The following ARHGEF18 variants were observed in gnomAD, a reference collection of about 807,000 sequenced individuals.
ARHGEF18 encodes the protein rho guanine nucleotide exchange factor 18.
ARHGEF18 carries 93 observed loss-of-function variants against 155.7 expected under a neutral mutation model. The observed-to-expected ratio is 0.60, with a 90% CI of 0.50 to 0.71. ARHGEF18 has a LOEUF of 0.71. ARHGEF18 is among the 30% of genes least tolerant of loss of function. ARHGEF18 has a pLI of 0.00. For missense variants in ARHGEF18, 1,593 were observed against 1,816.1 expected (o/e 0.88, Z 2.23); for synonymous variants, 742 against 753.1 (o/e 0.99, Z 0.24).
chr19:7,473,527 G>C (rs946894502), downstream of ARHGEF18, among the ~76,000 whole-genome samples: 1 of 151,992 alleles, frequency 6.6e-6, no homozygotes, highest in African/African-American at 2.4e-5. Context: ...AATTAGCCAG[G>C]TTGGCCGGGC....
At chr19:7,350,775 T>A (rs111651372) in intron 1 of ARHGEF18, among the ~76,000 whole-genome samples, 1 of 75,182 alleles carries the variant, frequency 1.3e-5, no homozygotes, top group Non-Finnish European at 3.0e-5. Flanking sequence ...TGGGTGTGTG[T>A]GTGTGTGTGT....
intron 10 of ARHGEF18, among the ~76,000 whole-genome samples, chr19:7,421,453 G>A (rs887757374): frequency 6.6e-6 from 1 of 152,062 alleles, no homozygotes; most frequent in Non-Finnish European, 1.5e-5. Context: ...CACATGGACT[G>A]CTCCCAAATA....
At chr19:7,472,763 G>T (rs552169551), downstream of ARHGEF18, 11 of 347,406 alleles carry the variant, frequency 3.2e-5, no homozygotes, top group Middle Eastern at 1.0e-3. Context: ...CCAGTGGCAG[G>T]TTCTCAGCTC....
At position 7,382,310 on chromosome 19, in the gene ARHGEF18, C is replaced by A. The variant is rs559760914; in HGVS notation, c.723-482C>A. ...ACTCGGGAGGCTGAGGCATGAGAAT[C>A]GCTTGAACCTGGAGGCAGAGGCTGC... On this transcript the variant is annotated intron_variant, in intron 8 of 28. Transcript: ENST00000668164. 2.0e-5 allele frequency among the ~76,000 whole-genome samples: 3 copies of A among 152,106 alleles called. No homozygotes were observed. The South Asian group carries it at 6.2e-4, about 32-fold the overall frequency.
At chr19:7,432,038 C>CT (rs1454771786) in intron 10 of ARHGEF18, among the ~76,000 whole-genome samples, 3 of 152,078 alleles carry the variant, frequency 2.0e-5, no homozygotes, top group African/African-American at 7.2e-5. Context: ...TGCAAGATGT[C>CT]TTTTTTAATT....
chr19:7,429,105 C>T (rs1248709639), intron 10 of ARHGEF18, among the ~76,000 whole-genome samples: 1 of 136,960 alleles, frequency 7.3e-6, no homozygotes, highest in Non-Finnish European at 1.5e-5. Context: ...CGCCTTGAGT[C>T]GAGGGGCCGG....
chr19:7,388,873 G>A (rs533741036), intron 10 of ARHGEF18, among the ~76,000 whole-genome samples: 49 of 152,076 alleles, frequency 3.2e-4, no homozygotes, highest in African/African-American at 9.6e-4. Context: ...GAGCCACCGC[G>A]CCTGGCCTGC....
chr19:7,355,937 G>A (rs534118334), intron 1 of ARHGEF18, among the ~76,000 whole-genome samples: 17 of 152,092 alleles, frequency 1.1e-4, no homozygotes, highest in South Asian at 4.1e-4. Context: ...AATTTGTCTC[G>A]GGCGGTAAAT....
chr19:7,426,364 G>A (rs1973662362), intron 10 of ARHGEF18, among the ~76,000 whole-genome samples: 1 of 151,506 alleles, frequency 6.6e-6, no homozygotes, highest in South Asian at 2.1e-4. Flanking sequence ...GAACGTGCCT[G>A]TCGTCCCGGC....
Position 7,451,155 on chromosome 19 carries a change from G to A in ARHGEF18, c.1744G>A (p.Gly582Ser), listed in dbSNP as rs1458628632. 2.7e-6 allele frequency: 4 copies of A among 1,469,768 alleles called. No homozygotes were observed. The African/African-American group carries it at 1.2e-4, about 43-fold the overall frequency. The allele number at this position is 1,469,768 out of a possible 1,614,324, so 91.0% of individuals were successfully genotyped here. Residue 582 changes from glycine to serine, a missense_variant, in exon 16 of 29, where the codon GGC becomes AGC. Gly to Ser is a moderately conservative substitution (Grantham distance 56). Transcript: ENST00000668164. ...KKFQNLIKKI[G>S]NFSIVRRLGV... ...CTTGCTTTCTGTTTCCTAGAAAATT[G>A]GCAACTTCTCCATCGTGCGGCGGCT...
chr19:7,477,766 G>C, the ARHGEF18 span, among the ~76,000 whole-genome samples: 51 of 152,368 alleles, frequency 3.3e-4, no homozygotes, highest in Non-Finnish European at 6.5e-4. Context: ...GAACCCCCAG[G>C]AGCGTGGCCT....
intron 10 of ARHGEF18, among the ~76,000 whole-genome samples, chr19:7,433,174 AAAAG>A (rs1156335094): frequency 6.6e-6 from 1 of 151,720 alleles, no homozygotes; most frequent in East Asian, 1.9e-4. Flanking sequence ...TTAAAAAAAA[AAAAG>A]AAGGCAGGCC....
chr19:7,413,596 C>A (rs867716230), intron 10 of ARHGEF18, among the ~76,000 whole-genome samples: 1 of 110,730 alleles, frequency 9.0e-6, no homozygotes, highest in Admixed American at 1.0e-4. Flanking sequence ...CCACTGCGCC[C>A]GGCAAAAAAA....
intron 2 of ARHGEF18, among the ~76,000 whole-genome samples, chr19:7,364,997 A>G (rs1404330345): frequency 6.6e-6 from 1 of 152,154 alleles, no homozygotes; most frequent in Non-Finnish European, 1.5e-5. Context: ...ACAGCCTCGG[A>G]GGATCTGAGT....
At chr19:7,382,433 A>G (rs1031724764) in intron 8 of ARHGEF18, among the ~76,000 whole-genome samples, 3 of 144,520 alleles carry the variant, frequency 2.1e-5, no homozygotes, top group African/African-American at 5.1e-5. Context: ...TAAATAAATA[A>G]AGGCCAATTA....
At chr19:7,384,064 C>A (rs917691512) in intron 10 of ARHGEF18, among the ~76,000 whole-genome samples, 5 of 152,122 alleles carry the variant, frequency 3.3e-5, no homozygotes, top group Admixed American at 3.3e-4. Context: ...GTGGCAACTG[C>A]GTGTTAGAAA....
chr19:7,375,313 A>AAAAG (rs796255077), intron 3 of ARHGEF18, among the ~76,000 whole-genome samples: 4 of 147,896 alleles, frequency 2.7e-5, no homozygotes, highest in East Asian at 2.0e-4. Context: ...AAAAGAAAGA[A>AAAAG]AAAGAAAGAA....
chr19:7,373,483 G>T (rs61452993), intron 3 of ARHGEF18, among the ~76,000 whole-genome samples: 32,662 of 140,164 alleles, frequency 0.23, 4,095 homozygotes, highest in Non-Finnish European at 0.29. Context: ...TTTTGTTTTT[G>T]TTTTTTTTTT....
intron 1 of ARHGEF18, among the ~76,000 whole-genome samples, chr19:7,350,433 C>T (rs143234149): frequency 4.3e-4 from 66 of 152,288 alleles, no homozygotes; most frequent in Admixed American, 1.2e-3. Context: ...CATTTCAACT[C>T]CCTTGCTGTG....
Sources: allele counts gnomAD v4.1 joint callset (sites outside exome capture counted in the v4.1 genomes callset), GRCh38; gene constraint gnomAD v4.1.1; transcripts MANE v1.5; gene names NCBI Gene and HGNC (gene_info 2026-07-23, HGNC 2026-07-21).